HS2ST1: variants seen among roughly 807,000 people sequenced by gnomAD.
HS2ST1 encodes 2-O-sulfotransferase.
In HS2ST1, 18 loss-of-function variants were observed where a neutral mutation model predicts 42.9. That is an observed-to-expected ratio of 0.42 (90% CI 0.29 to 0.62). The LOEUF is 0.62. Among genes scored for constraint, HS2ST1 ranks in the 20% least tolerant of loss-of-function variants. HS2ST1 has a pLI of 0.21. For missense variants in HS2ST1, 334 were observed against 433.8 expected, an observed-to-expected ratio of 0.77 and a Z score of 2.04; for synonymous variants, 146 against 152.9, an observed-to-expected ratio of 0.95 and a Z score of 0.33.
At chr1:87,028,603 G>C (rs2100593638) in intron 1 of HS2ST1, among the ~76,000 whole-genome samples, 1 of 152,268 alleles carries the variant, frequency 6.6e-6, no homozygotes, top group East Asian at 1.9e-4. Flanking sequence ...AAATTAGAAA[G>C]TGGATTAAAA....
intron 1 of HS2ST1, among the ~76,000 whole-genome samples, chr1:86,954,290 A>G (rs1264689706): frequency 3.3e-5 from 5 of 152,068 alleles, no homozygotes; most frequent in African/African-American, 4.8e-5. Context: ...CAGAGGTTGC[A>G]GTGAGCCAAG....
chr1:86,930,749 A>G (rs1040903672), intron 1 of HS2ST1, among the ~76,000 whole-genome samples: 13 of 152,062 alleles, frequency 8.5e-5, no homozygotes, highest in African/African-American at 3.1e-4. Flanking sequence ...CCAAGTATGC[A>G]AGATTTTGCA....
intron 1 of HS2ST1, among the ~76,000 whole-genome samples, chr1:87,069,580 T>C (rs1192535273): frequency 1.3e-5 from 2 of 152,212 alleles, no homozygotes; most frequent in Non-Finnish European, 1.5e-5. Flanking sequence ...TGAGATGTGA[T>C]TTAATATTAC....
At chr1:86,956,683 C>T (rs1463042844) in intron 1 of HS2ST1, 1 of 152,060 alleles carries the variant, frequency 6.6e-6, no homozygotes, top group African/African-American at 2.4e-5. Context: ...AAACCTGTAG[C>T]TTAGTTAGGG....
rs541358120 is a variant in HS2ST1 at position 87,108,238 on chromosome 1, G to A, written c.*3542G>A. On this transcript the variant is annotated 3_prime_UTR_variant, in exon 7 of 7. Coordinates refer to ENST00000370550, the MANE Select transcript of HS2ST1 (RefSeq NM_012262.4). Reference sequence around the variant, plus strand: ...CTAAAAGCTGGTTCCCAAATGCATAGCTGGCATTTTAATTTAAATTCAAAT... The same window carrying A: ...CTAAAAGCTGGTTCCCAAATGCATAACTGGCATTTTAATTTAAATTCAAAT... 19 of 152,208 alleles carry A rather than the reference G, an allele frequency of 1.2e-4. No homozygotes were observed. Among genetic ancestry groups the A allele is most frequent in the Middle Eastern group, 3.4e-3 (1 of 294 alleles). 9.4% of individuals were successfully genotyped at this position (152,208 alleles called of 1,614,324 possible).
intron 1 of HS2ST1, among the ~76,000 whole-genome samples, chr1:86,969,403 T>TGCGC (rs1648163977): frequency 1.3e-5 from 2 of 152,218 alleles, no homozygotes; most frequent in African/African-American, 4.8e-5. Flanking sequence ...TGTGTGTGTG[T>TGCGC]GCGCACGTGC....
At chr1:86,952,430 G>C (rs1003956604) in intron 1 of HS2ST1, among the ~76,000 whole-genome samples, 1 of 152,006 alleles carries the variant, frequency 6.6e-6, no homozygotes, top group African/African-American at 2.4e-5. Context: ...TAGAGATGGG[G>C]TTTCACCATG....
intron 2 of HS2ST1, 93 bp downstream of exon 2, chr1:87,073,265 G>T: frequency 1.1e-6 from 1 of 896,834 alleles, no homozygotes; most frequent in Non-Finnish European, 1.8e-6. Context: ...AAAGGGATGT[G>T]AGTGCTGATC....
intron 1 of HS2ST1, among the ~76,000 whole-genome samples, chr1:86,916,685 G>A (rs1021920098): frequency 1.3e-5 from 2 of 152,012 alleles, no homozygotes; most frequent in African/African-American, 4.8e-5. Flanking sequence ...ATCCAGTCTG[G>A]TTTTTCTTTT....
intron 5 of HS2ST1, 28 bp from the exon 6 acceptor site, chr1:87,103,404 G>C (rs762364084): frequency 6.4e-7 from 1 of 1,569,236 alleles, no homozygotes. Flanking sequence ...TTCACAACCA[G>C]GTTTTAATTC....
chr1:86,940,331 G>A (rs1051110207), intron 1 of HS2ST1, among the ~76,000 whole-genome samples: 6 of 152,242 alleles, frequency 3.9e-5, no homozygotes, highest in Admixed American at 6.5e-5. Flanking sequence ...CTATGGTCTC[G>A]CCACTGCATT....
intron 1 of HS2ST1, chr1:87,046,066 A>G (rs1210194466): frequency 1.5e-6 from 1 of 665,746 alleles, no homozygotes; most frequent in Non-Finnish European, 2.9e-6. Flanking sequence ...GCCTACCATG[A>G]CAGCATCATG....
intron 1 of HS2ST1, among the ~76,000 whole-genome samples, chr1:86,918,455 T>C (rs1490530639): frequency 6.6e-6 from 1 of 151,970 alleles, no homozygotes; most frequent in Non-Finnish European, 1.5e-5. Context: ...ATTCAGTTTG[T>C]CCCCCATCTG....
At chr1:87,019,897 A>G (rs919498477) in intron 1 of HS2ST1, among the ~76,000 whole-genome samples, 1 of 152,230 alleles carries the variant, frequency 6.6e-6, no homozygotes. Flanking sequence ...TGCTGTCAAC[A>G]ATAAAAACTT....
intron 1 of HS2ST1, among the ~76,000 whole-genome samples, chr1:86,933,706 AT>A (rs58580477): frequency 0.32 from 40,696 of 128,222 alleles, 4,268 homozygotes; most frequent in Middle Eastern, 0.48. Context: ...ATGCCTTGTA[AT>A]TTTTTTTTTT....
chr1:86,919,072 G>A (rs1378248537), intron 1 of HS2ST1, among the ~76,000 whole-genome samples: 1 of 151,934 alleles, frequency 6.6e-6, no homozygotes, highest in Non-Finnish European at 1.5e-5. Context: ...AGCCTCCCAA[G>A]TAGCGGGGAT....
chr1:87,064,397 T>G, intron 1 of HS2ST1: 1 of 492,814 alleles, frequency 2.0e-6, no homozygotes, highest in South Asian at 1.5e-5. Flanking sequence ...TGTGCCAGTA[T>G]TTTAGGTGTA....
chr1:87,070,515 T>TG (rs1651376078), intron 1 of HS2ST1, among the ~76,000 whole-genome samples: 1 of 151,990 alleles, frequency 6.6e-6, no homozygotes. Flanking sequence ...AACCTAAGCC[T>TG]GGGGAGGTCG....
At chr1:87,046,574 A>C in intron 1 of HS2ST1, 1 of 1,576,628 alleles carries the variant, frequency 6.3e-7, no homozygotes, top group East Asian at 2.3e-5. Flanking sequence ...ACTATGGCGG[A>C]AAAGGAAACC....
Sources: gnomAD v4.1 joint callset for allele counts (sites outside exome capture counted in the v4.1 genomes callset) on GRCh38, gnomAD v4.1.1 for gene constraint, MANE v1.5 for transcripts, NCBI Gene and HGNC (gene_info 2026-07-23, HGNC 2026-07-21) for gene names.